TP73: variants seen among roughly 807,000 people sequenced by gnomAD.
TP73 encodes the protein tumor protein p73, also known as p53-like transcription factor.
Under a neutral mutation model 62.5 loss-of-function variants are expected in TP73, and 25 were observed. The ratio of observed to expected loss-of-function variants is 0.40; its 90% CI spans 0.29 to 0.56. TP73 has a LOEUF of 0.56. Ranked by LOEUF, TP73 falls within the 20% of genes least tolerant of loss-of-function variation. TP73 has a pLI of 0.46. For synonymous variants in TP73, 423 were observed against 377.5 expected (o/e 1.12, Z -1.40); for missense variants, 754 against 913.3 (o/e 0.83, Z 2.25).
In TP73 at chr1:3,707,759, C is replaced by A. The variant is rs1384655117; in HGVS notation, c.397C>A (p.Gln133Lys). 2 of 1,613,046 alleles carry A rather than the reference C, an allele frequency of 1.2e-6. No individual in the cohort carries two copies. The highest frequency in any genetic ancestry group is 4.5e-5 in the East Asian group (2 of 44,880). Residue 133 changes from glutamine to lysine, a missense_variant, in exon 4 of 14, where the codon CAG becomes AAG. Around this residue, in one of 3 missense-constraint regions of TP73, gnomAD observed 235 missense variants for 251.4 expected, o/e 0.93. Coordinates refer to ENST00000378295, the MANE Select transcript of TP73 (RefSeq NM_005427.4). Reference protein sequence around the residue: ...GPHHFEVTFQQSSTAKSATWT... With the variant: ...GPHHFEVTFQKSSTAKSATWT... Reference sequence around the variant, plus strand: ...CCACCACTTTGAGGTCACTTTCCAGCAGTCCAGCACGGCCAAGTCAGCCAC... The same window carrying A: ...CCACCACTTTGAGGTCACTTTCCAGAAGTCCAGCACGGCCAAGTCAGCCAC...
chr1:3,697,996 T>G, intron 3 of TP73: 7 of 768,124 alleles, frequency 9.1e-6, no homozygotes, highest in Admixed American at 6.3e-5. Context: ...GCACTGCACG[T>G]GTCATAATTC....
rs1182127768 is a variant in TP73 at position 3,735,636 on chromosome 1, A to T, written c.*2557A>T. 1 of 152,188 alleles carries T rather than the reference A, an allele frequency of 6.6e-6. No homozygotes were observed. The highest frequency in any genetic ancestry group is 1.5e-5 in the Non-Finnish European group (1 of 68,040). 9.4% of individuals were successfully genotyped at this position (152,188 alleles called of 1,614,324 possible). A position where few individuals can be genotyped will look rare whatever the true frequency, so the allele number is the denominator to read the frequency against. On this transcript the variant is annotated 3_prime_UTR_variant, in exon 14 of 14. Coordinates refer to ENST00000378295, the MANE Select transcript of TP73 (RefSeq NM_005427.4). The stretch of plus-strand genomic sequence containing the variant: ...TCCTTTAAGTGATATGTTTTTATAA[A>T]ACTAAACAAATCAACAAATAAATCT...
intron 4 of TP73, among the ~76,000 whole-genome samples, chr1:3,714,701 G>A (rs1640445109): frequency 6.6e-6 from 1 of 152,254 alleles, no homozygotes; most frequent in Non-Finnish European, 1.5e-5. Flanking sequence ...GCTTGGTCCC[G>A]GCCCAGGGCA....
intron 10 of TP73, 53 bp from the exon 11 acceptor site, chr1:3,729,947 T>G (rs2124536641): frequency 6.5e-7 from 1 of 1,529,644 alleles, no homozygotes; most frequent in South Asian, 1.3e-5. Context: ...GGGTGGTCGG[T>G]GGGCACGAGG....
At chr1:3,714,938 T>C (rs183810182) in intron 4 of TP73, among the ~76,000 whole-genome samples, 2 of 152,324 alleles carry the variant, frequency 1.3e-5, no homozygotes, top group African/African-American at 4.8e-5. Context: ...TTCCCGGGCT[T>C]GGGCAGAGTG....
At chr1:3,669,619 C>G (rs1490314924) in intron 1 of TP73, among the ~76,000 whole-genome samples, 2 of 152,260 alleles carry the variant, frequency 1.3e-5, no homozygotes, top group African/African-American at 4.8e-5. Flanking sequence ...CCAGCCCCCT[C>G]ACTCTTTTGT....
At chr1:3,711,189 T>C (rs1013451288) in intron 4 of TP73, among the ~76,000 whole-genome samples, 4 of 152,196 alleles carry the variant, frequency 2.6e-5, no homozygotes, top group African/African-American at 9.6e-5. Flanking sequence ...TTGGGACTTC[T>C]TAGGTCAGGG....
intron 4 of TP73, among the ~76,000 whole-genome samples, chr1:3,709,293 A>G (rs545527096): frequency 1.3e-5 from 2 of 152,346 alleles, no homozygotes; most frequent in East Asian, 3.9e-4. Flanking sequence ...TGAGGGGCAG[A>G]GGACCTGGCA....
At chr1:3,688,523 C>T (rs543708620) in intron 3 of TP73, among the ~76,000 whole-genome samples, 67 of 152,212 alleles carry the variant, frequency 4.4e-4, no homozygotes, top group African/African-American at 1.5e-3. Context: ...GAAAGTCAGG[C>T]GGAATCCCCG....
chr1:3,692,403 T>A (rs1645868703), intron 3 of TP73, among the ~76,000 whole-genome samples: 1 of 152,204 alleles, frequency 6.6e-6, no homozygotes, highest in Non-Finnish European at 1.5e-5. Flanking sequence ...GTGATCTTTT[T>A]ATCTGAAACC....
chr1:3,690,670 T>C (rs910640548), intron 3 of TP73: 1 of 1,407,120 alleles, frequency 7.1e-7, no homozygotes, highest in Non-Finnish European at 9.3e-7. Flanking sequence ...GGTTTTGTTG[T>C]TGGATTCAGC....
At chr1:3,698,167 G>A (rs1057414277) in intron 3 of TP73, 2 of 973,248 alleles carry the variant, frequency 2.1e-6, no homozygotes, top group African/African-American at 3.5e-5. Context: ...TGGATGGGCA[G>A]ACAGATGGGC....
chr1:3,680,570 G>A lies in TP73; in HGVS notation c.-33-1763G>A, dbSNP rs567542354. ...CCTGCCCTTCAGGAAACATGCCTGG[G>A]ACCCCTCACTTGTGCCCACCCAGCC... On this transcript the variant is annotated intron_variant, in intron 1 of 13. Coordinates refer to ENST00000378295, the MANE Select transcript of TP73 (RefSeq NM_005427.4). Among the ~76,000 whole-genome samples the A allele has an allele frequency of 1.3e-4, 20 of 152,242 alleles. No homozygotes were observed. The South Asian group carries it at 3.9e-3, about 30-fold the overall frequency.
chr1:3,693,182 C>T (rs1193937955), intron 3 of TP73, among the ~76,000 whole-genome samples: 1 of 152,172 alleles, frequency 6.6e-6, no homozygotes, highest in Non-Finnish European at 1.5e-5. Context: ...AGTGGTGACT[C>T]AGTTTCCCTG....
rs932278339 is a variant in TP73 at position 3,734,339 on chromosome 1, C to T, written c.*1260C>T. On this transcript the variant is annotated 3_prime_UTR_variant, in exon 14 of 14. Coordinates refer to ENST00000378295, the MANE Select transcript of TP73 (RefSeq NM_005427.4). The surrounding 1 kb of genome is among the most constrained non-coding windows in gnomAD (Gnocchi z 4.4). ...TCCATCCACGAGGAGCAGCCTGAGC[C>T]TTGGTGGCCGAACCTTGACCGTCCC... The T allele has an allele frequency of 1.5e-4, 23 of 152,298 alleles. No individual in the cohort carries two copies. Among genetic ancestry groups the T allele is most frequent in the African/African-American group, 4.8e-4 (20 of 41,426 alleles). 9.4% of individuals were successfully genotyped at this position (152,298 alleles called of 1,614,324 possible). A position where few individuals can be genotyped will look rare whatever the true frequency, so the allele number is the denominator to read the frequency against.
chr1:3,678,250 A>T (rs1645419236), intron 1 of TP73, among the ~76,000 whole-genome samples: 1 of 152,256 alleles, frequency 6.6e-6, no homozygotes, highest in Admixed American at 6.5e-5. Context: ...ATTGGATTTA[A>T]TTGAAAGGCC....
At position 3,711,842 on chromosome 1, in the gene TP73, GTGTA is replaced by G. The variant is rs1168887867; in HGVS notation, c.429+4055_429+4058del. On this transcript the variant is annotated intron_variant, in intron 4 of 13. Transcript: ENST00000378295. The stretch of plus-strand genomic sequence containing the variant: ...TCAGCGTGTGTGTGTGCGCGAGCGT[GTGTA>G]TGTGTGTGTGTGTGTGTGTGTGCGC... 1.7e-3 allele frequency among the ~76,000 whole-genome samples: 253 copies of G among 145,380 alleles called. 1 individual carries two copies. Among genetic ancestry groups the G allele is most frequent in the Middle Eastern group, 7.1e-3 (2 of 280 alleles).
At chr1:3,687,577 A>G (rs1471662596) in intron 3 of TP73, among the ~76,000 whole-genome samples, 1 of 151,944 alleles carries the variant, frequency 6.6e-6, no homozygotes, top group Non-Finnish European at 1.5e-5. Context: ...GGGCAATGAG[A>G]CCTGCGGCCC....
intron 4 of TP73, among the ~76,000 whole-genome samples, chr1:3,716,241 C>T (rs533559843): frequency 6.6e-6 from 1 of 152,280 alleles, no homozygotes; most frequent in East Asian, 1.9e-4. Context: ...CCCCGGCTGG[C>T]CAGCATGGGG....
Sources: allele counts gnomAD v4.1 joint callset (sites outside exome capture counted in the v4.1 genomes callset), GRCh38; gene constraint gnomAD v4.1.1; regional missense constraint gnomAD v4.1.1; non-coding constraint Gnocchi (gnomAD v3.1); transcripts MANE v1.5; gene names NCBI Gene and HGNC (gene_info 2026-07-23, HGNC 2026-07-21).